The following SDK1 variants were observed in gnomAD, a reference collection of about 807,000 sequenced individuals.
SDK1 encodes sidekick cell adhesion molecule 1.
Under a neutral mutation model 245.5 loss-of-function variants are expected in SDK1, and 157 were observed. That is an observed-to-expected ratio of 0.64 (90% confidence interval 0.56 to 0.73). The LOEUF is 0.73. SDK1 is among the 30% of genes least tolerant of loss of function. The pLI is 0.00. For missense variants in SDK1, 3,583 were observed against 3,002.3 expected, an observed-to-expected ratio of 1.19 and a Z score of -4.52; for synonymous variants, 1,647 against 1,278.5, an observed-to-expected ratio of 1.29 and a Z score of -6.15.
chr7:3,859,907 A>G (rs761784268), intron 5 of SDK1, among the ~76,000 whole-genome samples: 1 of 151,846 alleles, frequency 6.6e-6, no homozygotes, highest in Non-Finnish European at 1.5e-5. Flanking sequence ...TTAAAGCAAC[A>G]AAAGAACTGA....
intron 1 of SDK1, among the ~76,000 whole-genome samples, chr7:3,413,471 G>T (rs1779270473): frequency 6.6e-6 from 1 of 152,136 alleles, no homozygotes; most frequent in Non-Finnish European, 1.5e-5. Context: ...AAGGCAAGTG[G>T]ATCACTTGAG....
At chr7:4,164,572 T>C (rs1309448526) in intron 32 of SDK1, among the ~76,000 whole-genome samples, 1 of 152,154 alleles carries the variant, frequency 6.6e-6, no homozygotes, top group Non-Finnish European at 1.5e-5. Flanking sequence ...TACCAGAAAA[T>C]TCACATTTTC....
chr7:3,618,872 C>G (rs113131795), intron 1 of SDK1, among the ~76,000 whole-genome samples: 9 of 152,282 alleles, frequency 5.9e-5, no homozygotes, highest in African/African-American at 1.9e-4. Flanking sequence ...ATGCGGGTAT[C>G]ATTGAGCTTT....
At chr7:3,900,073 G>T (rs182340252) in intron 5 of SDK1, among the ~76,000 whole-genome samples, 1 of 152,320 alleles carries the variant, frequency 6.6e-6, no homozygotes, top group African/African-American at 2.4e-5. Flanking sequence ...ATTTTAAAGA[G>T]AAAGCAGTTT....
chr7:4,178,031 T>A (rs1348557361), intron 34 of SDK1, among the ~76,000 whole-genome samples: 1 of 152,090 alleles, frequency 6.6e-6, no homozygotes, highest in Non-Finnish European at 1.5e-5. Context: ...TGCACTTCTG[T>A]GAGAGTCTAA....
At chr7:3,723,824 ACATATACACGTG>A (rs1392368944) in intron 4 of SDK1, among the ~76,000 whole-genome samples, 23 of 149,698 alleles carry the variant, frequency 1.5e-4, no homozygotes, top group African/African-American at 5.4e-4. Context: ...ACGTACATAT[ACATATACACGTG>A]TATATACACG....
At position 3,709,687 on chromosome 7, in the gene SDK1, C is replaced by A. The variant is rs904894902; in HGVS notation, c.713+67582C>A. ...ACGCATGCTAACACTGCCTCCAATCCACCATATTGAAAAAAAGAAGTTTTC... is the reference window on the plus strand; with the variant it reads ...ACGCATGCTAACACTGCCTCCAATCAACCATATTGAAAAAAAGAAGTTTTC... On this transcript the variant is annotated intron_variant, in intron 4 of 44. Transcript: ENST00000404826. Among the ~76,000 whole-genome samples the A allele has an allele frequency of 2.0e-5, 3 of 152,252 alleles. No individual in the cohort carries two copies. The South Asian group carries it at 6.2e-4, about 32-fold the overall frequency.
chr7:3,918,790 G>C (rs924569672), intron 5 of SDK1, among the ~76,000 whole-genome samples: 1 of 151,996 alleles, frequency 6.6e-6, no homozygotes, highest in African/African-American at 2.4e-5. Flanking sequence ...CTGGACCGGC[G>C]GTTCTACCGA....
intron 14 of SDK1, among the ~76,000 whole-genome samples, chr7:3,993,287 C>T (rs1325421141): frequency 6.6e-6 from 1 of 152,136 alleles, no homozygotes; most frequent in Non-Finnish European, 1.5e-5. Context: ...ACAAAGGCGT[C>T]CCATGGCTGA....
intron 20 of SDK1, among the ~76,000 whole-genome samples, chr7:4,075,160 G>A (rs930266415): frequency 6.6e-6 from 1 of 151,690 alleles, no homozygotes; most frequent in African/African-American, 2.4e-5. Flanking sequence ...AGGATGGCAG[G>A]TGCTCCAAGT....
At chr7:3,963,009 A>G (rs1317784987) in intron 9 of SDK1, among the ~76,000 whole-genome samples, 158 bp downstream of exon 9, 1 of 128,514 alleles carries the variant, frequency 7.8e-6, no homozygotes, top group African/African-American at 3.4e-5. Context: ...GGCTACCTGG[A>G]TGTAACCACT....
chr7:3,913,399 T>C (rs1307415140), intron 5 of SDK1, among the ~76,000 whole-genome samples: 1 of 151,098 alleles, frequency 6.6e-6, no homozygotes, highest in Non-Finnish European at 1.5e-5. Flanking sequence ...GTTCACGCCA[T>C]TCTCCTGCCT....
chr7:3,841,156 C>T (rs1486085224), intron 5 of SDK1, among the ~76,000 whole-genome samples: 2 of 152,184 alleles, frequency 1.3e-5, no homozygotes, highest in African/African-American at 2.4e-5. Flanking sequence ...CCTCTTTCCT[C>T]GTACCACATG....
intron 44 of SDK1, among the ~76,000 whole-genome samples, chr7:4,254,316 A>T (rs1787498378): frequency 6.6e-6 from 1 of 152,080 alleles, no homozygotes; most frequent in Non-Finnish European, 1.5e-5. Context: ...CATTTTTAAA[A>T]GTCTTTTCTT....
chr7:3,723,360 G>C (rs1216771978), intron 4 of SDK1, among the ~76,000 whole-genome samples: 1 of 152,140 alleles, frequency 6.6e-6, no homozygotes, highest in East Asian at 1.9e-4. Flanking sequence ...ATAAGCCTTT[G>C]AAAAATACGG....
chr7:3,694,296 T>C (rs1034498743), intron 4 of SDK1, among the ~76,000 whole-genome samples: 2 of 152,108 alleles, frequency 1.3e-5, no homozygotes, highest in Admixed American at 1.3e-4. Context: ...TCACTTCCCC[T>C]CCTAGGTTGG....
At chr7:3,658,609 C>CTTTTTTTTTTTTTTTTTTTTTTTTTT (rs71029690) in intron 4 of SDK1, among the ~76,000 whole-genome samples, 2 of 101,966 alleles carry the variant, frequency 2.0e-5, no homozygotes, top group Non-Finnish European at 1.9e-5. Context: ...CTACTATCTT[C>CTTTTTTTTTTTTTTTTTTTTTTTTTT]TTTTTTTTTT....
Position 3,732,117 on chromosome 7 carries a change from G to C in SDK1, c.714-89333G>C, listed in dbSNP as rs1410034613. Among the ~76,000 whole-genome samples the C allele has an allele frequency of 4.6e-5, 7 of 152,346 alleles. No homozygotes were observed. The South Asian group carries it at 1.4e-3, about 32-fold the overall frequency. ...AATTTTATTTTTAAGATGGAAGGGTGAATGAAGGAATATTTGTTAGCAGTG... is the reference window on the plus strand; with the variant it reads ...AATTTTATTTTTAAGATGGAAGGGTCAATGAAGGAATATTTGTTAGCAGTG... On this transcript the variant is annotated intron_variant, in intron 4 of 44. Transcript: ENST00000404826.
chr7:3,343,237 T>A (rs115376267), intron 1 of SDK1, among the ~76,000 whole-genome samples: 1 of 151,900 alleles, frequency 6.6e-6, no homozygotes, highest in Non-Finnish European at 1.5e-5. Flanking sequence ...GAAGCTTTAT[T>A]TATAATAAAT....
Sources: gnomAD v4.1 joint callset for allele counts (sites outside exome capture counted in the v4.1 genomes callset) on GRCh38, gnomAD v4.1.1 for gene constraint, MANE v1.5 for transcripts, NCBI Gene and HGNC (gene_info 2026-07-23, HGNC 2026-07-21) for gene names.